Variants in P3H2 observed in about 807,000 individuals in gnomAD.
The protein encoded by P3H2 is leprecan-like 1.
In P3H2, 80 loss-of-function variants were observed where a neutral mutation model predicts 87.0. The ratio of observed to expected loss-of-function variants is 0.92; its 90% CI spans 0.77 to 1.11. P3H2 has a LOEUF of 1.11. P3H2 is among the 50% of genes least tolerant of loss of function. P3H2 has a pLI of 0.00. For missense variants in P3H2, 1,001 were observed against 923.9 expected (o/e 1.08, Z -1.08); for synonymous variants, 367 against 359.3 (o/e 1.02, Z -0.24).
At chr3:190,087,851 T>C (rs1727279034) in intron 1 of P3H2, among the ~76,000 whole-genome samples, 2 of 152,204 alleles carry the variant, frequency 1.3e-5, no homozygotes, top group Non-Finnish European at 2.9e-5. Flanking sequence ...AAAGCAGACC[T>C]GATCATCTGT....
chr3:189,994,580 C>G (rs1001501915), intron 2 of P3H2, among the ~76,000 whole-genome samples: 1 of 151,734 alleles, frequency 6.6e-6, no homozygotes, highest in South Asian at 2.1e-4. Flanking sequence ...AATCATTTGC[C>G]TATAGGTAGG....
intron 13 of P3H2, chr3:189,969,000 C>T: frequency 4.6e-6 from 1 of 219,344 alleles, no homozygotes; most frequent in Non-Finnish European, 9.0e-6. Context: ...GATATTAGCC[C>T]TTTGTCAAAA....
chr3:190,066,639 T>TA (rs1246432419), intron 1 of P3H2, among the ~76,000 whole-genome samples: 3 of 151,650 alleles, frequency 2.0e-5, no homozygotes, highest in African/African-American at 4.8e-5. Flanking sequence ...CCTATGGAAA[T>TA]AAAAAAATGG....
intron 1 of P3H2, among the ~76,000 whole-genome samples, chr3:190,066,158 T>TATATATATATATATATACACGCACACAC (rs1256956930): frequency 7.4e-6 from 1 of 134,600 alleles, no homozygotes; most frequent in African/African-American, 3.1e-5. Context: ...TATATATATA[T>TATATATATATATATATACACGCACACAC]ACACACACAC....
intron 4 of P3H2, among the ~76,000 whole-genome samples, chr3:189,988,678 CT>C (rs1280712008): frequency 6.6e-6 from 1 of 152,090 alleles, no homozygotes; most frequent in Admixed American, 6.6e-5. Flanking sequence ...AAATGTCAAT[CT>C]AGTATAATTT....
chr3:189,974,486 A>G, intron 9 of P3H2, 72 bp downstream of exon 9: 1 of 1,599,592 alleles, frequency 6.3e-7, no homozygotes, highest in Non-Finnish European at 8.5e-7. Flanking sequence ...TCCAGATGAG[A>G]CCAGGACCAA....
rs528925041 is a variant in P3H2, at chr3:189,994,305, A to G, written c.634-22T>C. 8.8e-3 allele frequency: 10,802 copies of G among 1,229,956 alleles called. 326 individuals carry two copies. The highest frequency in any genetic ancestry group is 0.061 in the African/African-American group (4,250 of 69,560). 76.2% of individuals were successfully genotyped at this position (1,229,956 alleles called of 1,614,324 possible). On this transcript the variant is annotated intron_variant, in intron 2 of 14. Coordinates refer to ENST00000319332, the MANE Select transcript of P3H2 (RefSeq NM_018192.4). ...TCTCCTGTAATGAAACAGACGGGAAAAAACAAACAAACAAACAAACAAACA... is the reference window on the plus strand; with the variant it reads ...TCTCCTGTAATGAAACAGACGGGAAGAAACAAACAAACAAACAAACAAACA...
intron 1 of P3H2, among the ~76,000 whole-genome samples, chr3:190,089,408 G>T (rs926117520): frequency 6.6e-6 from 1 of 152,188 alleles, no homozygotes; most frequent in Non-Finnish European, 1.5e-5. Flanking sequence ...ATCAGATGTT[G>T]AAATTTCACC....
chr3:190,015,859 G>A (rs1724736163), intron 1 of P3H2, among the ~76,000 whole-genome samples: 1 of 152,204 alleles, frequency 6.6e-6, no homozygotes, highest in Admixed American at 6.5e-5. Flanking sequence ...TAGGACTGGA[G>A]ATAAATGGTC....
intron 1 of P3H2, among the ~76,000 whole-genome samples, chr3:190,078,377 G>T (rs998028435): frequency 1.3e-5 from 2 of 152,138 alleles, no homozygotes; most frequent in Non-Finnish European, 2.9e-5. Flanking sequence ...CATTTATGAT[G>T]AATTTAATTA....
At chr3:190,069,179 C>T (rs1247421580) in intron 1 of P3H2, among the ~76,000 whole-genome samples, 3 of 152,084 alleles carry the variant, frequency 2.0e-5, no homozygotes, top group Non-Finnish European at 4.4e-5. Flanking sequence ...CAGCTCCAGA[C>T]CCTAGAGTGT....
chr3:189,974,002 T>A lies in P3H2; in HGVS notation c.1455A>T (p.Gly485=), dbSNP rs1451670086. Reference sequence around the variant, plus strand: ...TGTATCCATCACCAACAAGCATGATTCCCTGGAAGCAAATACAAGAAGATA... The same window carrying A: ...TGTATCCATCACCAACAAGCATGATACCCTGGAAGCAAATACAAGAAGATA... ...QCRELHSVAS[G]IMLVGDGYRG... is the part of the protein sequence containing the mutation. The change falls in exon 10 of 15, where the codon GGA becomes GGT. Residue 485 remains glycine, a splice_region_variant and synonymous_variant. Coordinates refer to ENST00000319332, the MANE Select transcript of P3H2 (RefSeq NM_018192.4). 3 of 1,612,058 alleles carry A rather than the reference T, an allele frequency of 1.9e-6. No individual in the cohort carries two copies. The South Asian group carries it at 3.3e-5, about 18-fold the overall frequency.
chr3:189,984,538 G>T lies in P3H2; in HGVS notation c.1229+12C>A. 1 of 1,606,898 alleles carries T rather than the reference G, an allele frequency of 6.2e-7. No individual in the cohort carries two copies. The highest frequency in any genetic ancestry group is 8.5e-7 in the Non-Finnish European group (1 of 1,173,870). On this transcript the variant is annotated intron_variant, in intron 7 of 14. Transcript: ENST00000319332. The stretch of plus-strand genomic sequence containing the variant: ...CTCATAAAAAACCAGTTTGCATTCT[G>T]AATGGACTTACCGATTCTCATCCTG...
chr3:189,984,328 GAAAAA>G (rs10532307), intron 7 of P3H2, among the ~76,000 whole-genome samples: 1 of 150,982 alleles, frequency 6.6e-6, no homozygotes, highest in Admixed American at 6.6e-5. Flanking sequence ...TTTTTTCCTG[GAAAAA>G]AAAAATGAGA....
At chr3:190,094,128 T>C (rs577492315) in intron 1 of P3H2, among the ~76,000 whole-genome samples, 1 of 152,174 alleles carries the variant, frequency 6.6e-6, no homozygotes, top group Non-Finnish European at 1.5e-5. Context: ...TCTGGAAAAT[T>C]AACATCTGCT....
chr3:189,983,033 C>T lies in P3H2; in HGVS notation c.1324+13G>A, dbSNP rs201132189. ...TCCCCTCCTTTATAGGGTAAAAGTG[C>T]ACAGCTACTTACCTTCTCTTAGGTC... On this transcript the variant is annotated intron_variant, in intron 8 of 14. Coordinates refer to ENST00000319332, the MANE Select transcript of P3H2 (RefSeq NM_018192.4). 5 of 1,599,394 alleles carry T rather than the reference C, an allele frequency of 3.1e-6. No individual in the cohort carries two copies. Among genetic ancestry groups the T allele is most frequent in the Middle Eastern group, 1.7e-4 (1 of 6,036 alleles).
chr3:190,026,605 A>G (rs1725093954), intron 1 of P3H2, among the ~76,000 whole-genome samples: 1 of 152,210 alleles, frequency 6.6e-6, no homozygotes, highest in Non-Finnish European at 1.5e-5. Context: ...TGTTTAGCAT[A>G]TCATCAAGAA....
In P3H2 at chr3:190,120,476, G is replaced by T. The variant is rs1181319830; in HGVS notation, c.256C>A (p.Arg86Ser). The change falls in exon 1 of 15, where the codon CGC becomes AGC. Residue 86 changes from arginine to serine, a missense_variant. Coordinates refer to ENST00000319332, the MANE Select transcript of P3H2 (RefSeq NM_018192.4). The stretch of plus-strand genomic sequence containing the variant: ...AGCGGGTGGCGCGCCGCGCAGTGGC[G>T]GGCACAGCGCGTGCGGATTTCCCGC... ...RLREIRTRCA[R>S]HCAARHPLPP... 20 of 1,434,324 alleles carry T rather than the reference G, an allele frequency of 1.4e-5. No homozygotes were observed. Among genetic ancestry groups the T allele is most frequent in the African/African-American group, 8.9e-5 (6 of 67,390 alleles). The allele number at this position is 1,434,324 out of a possible 1,614,324, so 88.8% of individuals were successfully genotyped here. A position where few individuals can be genotyped will look rare whatever the true frequency, so the allele number is the denominator to read the frequency against.
rs77592137 is a variant in P3H2 at position 190,106,677 on chromosome 3, T to C, written c.480+13575A>G. ...AACAACCGATATGTCAGAACTTTTT[T>C]TGACTATATACCTGTTTGATGTCAA... On this transcript the variant is annotated intron_variant, in intron 1 of 14. Transcript: ENST00000319332. Among the ~76,000 whole-genome samples the C allele has an allele frequency of 1.6e-3, 238 of 152,352 alleles. 2 individuals are homozygous for C. The East Asian group carries it at 0.027, about 17-fold the overall frequency.
Sources: gnomAD v4.1 joint callset for allele counts (sites outside exome capture counted in the v4.1 genomes callset) on GRCh38, gnomAD v4.1.1 for gene constraint, MANE v1.5 for transcripts, NCBI Gene and HGNC (gene_info 2026-07-23, HGNC 2026-07-21) for gene names.